Variants in ZNF536 observed in about 807,000 individuals in gnomAD.
The protein encoded by ZNF536 is zinc finger protein 536.
Under a neutral mutation model 84.5 loss-of-function variants are expected in ZNF536, and 13 were observed. The observed-to-expected ratio is 0.15, with a 90% CI of 0.10 to 0.24. The LOEUF is 0.24. Among genes scored for constraint, ZNF536 ranks in the 10% least tolerant of loss-of-function variants. The probability of loss-of-function intolerance (pLI) is 1.00; values close to 1 mark genes in which losing one functional copy is unlikely to be tolerated. For synonymous variants in ZNF536, 811 were observed against 742.5 expected, an observed-to-expected ratio of 1.09 and a Z score of -1.50; for missense variants, 1,536 against 1,747.5, an observed-to-expected ratio of 0.88 and a Z score of 2.16.
intron 2 of ZNF536, among the ~76,000 whole-genome samples, chr19:30,317,156 C>T (rs561765125): frequency 6.6e-6 from 1 of 152,368 alleles, no homozygotes; most frequent in South Asian, 2.1e-4. Context: ...AGCCACCCCA[C>T]AGTGAAGACA....
intron 2 of ZNF536, among the ~76,000 whole-genome samples, chr19:30,463,271 G>C (rs1423963101): frequency 6.6e-6 from 1 of 152,166 alleles, no homozygotes; most frequent in East Asian, 1.9e-4. Context: ...GACTGTCCTT[G>C]CCCCTTTTTC....
intron 1 of ZNF536, among the ~76,000 whole-genome samples, chr19:30,436,824 T>G (rs1017712722): frequency 6.6e-6 from 1 of 152,160 alleles, no homozygotes; most frequent in African/African-American, 2.4e-5. Context: ...TTACTAGAAG[T>G]GCATGTTATG....
intron 1 of ZNF536, among the ~76,000 whole-genome samples, chr19:30,398,163 A>G (rs1016869773): frequency 6.6e-6 from 1 of 152,192 alleles, no homozygotes; most frequent in African/African-American, 2.4e-5. Flanking sequence ...CTTCTGTGTC[A>G]TTTGATCACG....
chr19:30,482,583 G>A (rs2054133976), intron 2 of ZNF536, among the ~76,000 whole-genome samples: 1 of 151,512 alleles, frequency 6.6e-6, no homozygotes, highest in South Asian at 2.1e-4. Flanking sequence ...CTCCCTATTA[G>A]TTAGAACTAA....
intron 1 of ZNF536, among the ~76,000 whole-genome samples, chr19:30,244,817 G>A (rs1341006125): frequency 6.6e-6 from 1 of 152,212 alleles, no homozygotes; most frequent in Non-Finnish European, 1.5e-5. Context: ...CAGCATTTGG[G>A]TTGCCTAGTG....
intron 2 of ZNF536, among the ~76,000 whole-genome samples, chr19:30,478,155 G>GT (rs35858645): frequency 0.22 from 29,232 of 134,678 alleles, 3,276 homozygotes; most frequent in East Asian, 0.36. Flanking sequence ...AATCCTTGGT[G>GT]TTTTTTTTTT....
intron 1 of ZNF536, among the ~76,000 whole-genome samples, chr19:30,709,053 G>A: frequency 6.6e-6 from 1 of 152,076 alleles, no homozygotes; most frequent in East Asian, 1.9e-4. Context: ...CCGGAAGCAG[G>A]GGAGATGCCA....
chr19:30,612,961 C>T (rs1329077766), intron 1 of ZNF536, among the ~76,000 whole-genome samples: 1 of 152,222 alleles, frequency 6.6e-6, no homozygotes, highest in Non-Finnish European at 1.5e-5. Flanking sequence ...GTTTCTTCGT[C>T]TCTGTCTTTC....
chr19:30,337,065 G>T (rs1483371194), intron 2 of ZNF536, among the ~76,000 whole-genome samples: 2 of 151,928 alleles, frequency 1.3e-5, no homozygotes, highest in Non-Finnish European at 2.9e-5. Flanking sequence ...TTCTTGGGAG[G>T]CCTGTTCCTT....
chr19:30,520,056 C>G (rs1406000787), intron 2 of ZNF536, among the ~76,000 whole-genome samples: 2 of 152,254 alleles, frequency 1.3e-5, no homozygotes, highest in East Asian at 3.9e-4. Context: ...GGTGGTGGGC[C>G]TGGGGCTGGT....
chr19:30,423,667 T>C (rs1369776492), intron 1 of ZNF536, among the ~76,000 whole-genome samples: 1 of 152,212 alleles, frequency 6.6e-6, no homozygotes, highest in Non-Finnish European at 1.5e-5. Flanking sequence ...GATAACAGGC[T>C]CTGCACAGTC....
At chr19:30,432,964 A>G (rs996690050) in intron 1 of ZNF536, among the ~76,000 whole-genome samples, 6 of 152,228 alleles carry the variant, frequency 3.9e-5, no homozygotes, top group African/African-American at 1.4e-4. Flanking sequence ...TGGCAGTGTG[A>G]GGCGTGCATG....
chr19:30,567,007 C>T (rs1265539521), intron 1 of ZNF536, among the ~76,000 whole-genome samples: 1 of 140,262 alleles, frequency 7.1e-6, no homozygotes, highest in African/African-American at 2.7e-5. Context: ...TGGCGGTCCC[C>T]GCGTGTGGCC....
chr19:30,511,711 A>G (rs2055421044), intron 2 of ZNF536, among the ~76,000 whole-genome samples: 1 of 152,244 alleles, frequency 6.6e-6, no homozygotes, highest in African/African-American at 2.4e-5. Context: ...TTAATTTAGC[A>G]GATAGGACCT....
At chr19:30,382,649 A>G (rs2049067135) in intron 1 of ZNF536, among the ~76,000 whole-genome samples, 1 of 151,914 alleles carries the variant, frequency 6.6e-6, no homozygotes. Context: ...GTAAGTTACT[A>G]ATGCATCACC....
At chr19:30,457,822 A>G (rs2052926064) in intron 2 of ZNF536, among the ~76,000 whole-genome samples, 2 of 152,162 alleles carry the variant, frequency 1.3e-5, no homozygotes, top group Admixed American at 6.5e-5. Context: ...AACTGTCCAT[A>G]CCTGCCCCAC....
At chr19:30,337,123 G>A (rs1040379245) in intron 2 of ZNF536, among the ~76,000 whole-genome samples, 6 of 152,028 alleles carry the variant, frequency 3.9e-5, no homozygotes, top group Admixed American at 3.9e-4. Context: ...CCTTTACCCC[G>A]GAGTTAGTCA....
At chr19:30,433,382 C>A (rs1250888820) in intron 1 of ZNF536, among the ~76,000 whole-genome samples, 2 of 152,214 alleles carry the variant, frequency 1.3e-5, no homozygotes, top group Non-Finnish European at 2.9e-5. Context: ...GCTTATAGAT[C>A]TCTAGATGTA....
intron 2 of ZNF536, among the ~76,000 whole-genome samples, chr19:30,479,106 C>T (rs182750099): frequency 2.0e-5 from 3 of 152,296 alleles, no homozygotes; most frequent in African/African-American, 7.2e-5. Flanking sequence ...CAACACTGAC[C>T]GCTCTTATAA....
Sources: allele counts gnomAD v4.1 joint callset (sites outside exome capture counted in the v4.1 genomes callset), GRCh38; gene constraint gnomAD v4.1.1; transcripts MANE v1.5; gene names NCBI Gene and HGNC (gene_info 2026-07-23, HGNC 2026-07-21).